The following NALF1 variants were observed in gnomAD, a reference collection of about 807,000 sequenced individuals.
The protein encoded by NALF1 is family with sequence similarity 155 member A.
In NALF1, 3 loss-of-function variants were observed where a neutral mutation model predicts 48.4. The observed-to-expected ratio is 0.06, with a 90% CI of 0.03 to 0.16. The LOEUF (loss-of-function observed/expected upper bound fraction) is 0.16, where lower values mean the gene tolerates loss of function less well. Ranked by LOEUF, NALF1 falls within the 10% of genes least tolerant of loss-of-function variation. The pLI is 1.00. For missense variants in NALF1, 526 were observed against 571.5 expected (o/e 0.92, Z 0.81); for synonymous variants, 262 against 245.7 (o/e 1.07, Z -0.62).
intron 1 of NALF1, among the ~76,000 whole-genome samples, chr13:107,757,753 T>C (rs540155603): frequency 7.2e-5 from 11 of 152,312 alleles, no homozygotes; most frequent in Non-Finnish European, 1.3e-4. Flanking sequence ...AAGAGTTTTA[T>C]TGGCTAATGA....
At chr13:107,359,991 G>A (rs1290299577) in intron 1 of NALF1, among the ~76,000 whole-genome samples, 1 of 152,128 alleles carries the variant, frequency 6.6e-6, no homozygotes, top group African/African-American at 2.4e-5. Flanking sequence ...GATTTCTAAA[G>A]TTGATGACAA....
Position 107,226,813 on chromosome 13 carries a change from T to C in NALF1, c.916-16058A>G, listed in dbSNP as rs527499052. ...TTACACAAACCTCTGAGGTAGACAG[T>C]AATATTTTTCCTCTATTCCATGGGT... On this transcript the variant is annotated intron_variant, in intron 1 of 2. Transcript: ENST00000375915. Among the ~76,000 whole-genome samples, 932 of 152,168 alleles carry C rather than the reference T, an allele frequency of 6.1e-3. 13 individuals carry two copies. The highest frequency in any genetic ancestry group is 0.022 in the African/African-American group (893 of 41,518).
At chr13:107,341,157 T>C (rs1172780441) in intron 1 of NALF1, among the ~76,000 whole-genome samples, 1 of 151,826 alleles carries the variant, frequency 6.6e-6, no homozygotes, top group East Asian at 1.9e-4. Context: ...CTAGACTCTA[T>C]CAATTGACAA....
At chr13:107,854,927 G>A (rs73589318) in intron 1 of NALF1, among the ~76,000 whole-genome samples, 17,340 of 151,366 alleles carry the variant, frequency 0.11, 1,717 homozygotes, top group African/African-American at 0.25. Context: ...ACGTCTGTGA[G>A]GCAGTTCATT....
chr13:107,451,736 T>C (rs535764209), intron 1 of NALF1, among the ~76,000 whole-genome samples: 2 of 152,310 alleles, frequency 1.3e-5, no homozygotes, highest in Non-Finnish European at 2.9e-5. Flanking sequence ...TCTTAATACA[T>C]TGCACATCGC....
At chr13:107,676,168 C>A (rs1242195943) in intron 1 of NALF1, among the ~76,000 whole-genome samples, 1 of 152,176 alleles carries the variant, frequency 6.6e-6, no homozygotes, top group Non-Finnish European at 1.5e-5. Context: ...AGAGTATAAT[C>A]AAATTAAACA....
intron 1 of NALF1, among the ~76,000 whole-genome samples, chr13:107,251,463 T>C (rs1880698860): frequency 6.6e-6 from 1 of 152,206 alleles, no homozygotes. Context: ...TTTTTACAGC[T>C]GCTGTGGACT....
At chr13:107,789,995 T>A (rs1355220891) in intron 1 of NALF1, among the ~76,000 whole-genome samples, 2 of 152,218 alleles carry the variant, frequency 1.3e-5, no homozygotes, top group Non-Finnish European at 2.9e-5. Context: ...GTACACAATA[T>A]TTGAAAATGT....
At chr13:107,635,740 T>C (rs909854886) in intron 1 of NALF1, among the ~76,000 whole-genome samples, 1 of 152,172 alleles carries the variant, frequency 6.6e-6, no homozygotes, top group Non-Finnish European at 1.5e-5. Flanking sequence ...CTTAGCCCCA[T>C]AAGCCGCACA....
chr13:107,351,301 T>C (rs990126679), intron 1 of NALF1, among the ~76,000 whole-genome samples: 7 of 151,844 alleles, frequency 4.6e-5, no homozygotes, highest in African/African-American at 1.2e-4. Flanking sequence ...GGTGTGAGAG[T>C]TGCAGATACC....
At chr13:107,516,786 G>A (rs1290610026) in intron 1 of NALF1, among the ~76,000 whole-genome samples, 1 of 152,078 alleles carries the variant, frequency 6.6e-6, no homozygotes, top group African/African-American at 2.4e-5. Flanking sequence ...GTCTCGTGAG[G>A]GATTTACTAA....
intron 1 of NALF1, among the ~76,000 whole-genome samples, chr13:107,711,455 C>A (rs890706483): frequency 1.3e-5 from 2 of 152,234 alleles, no homozygotes; most frequent in Non-Finnish European, 1.5e-5. Flanking sequence ...CCCGTCTCAG[C>A]CTCTGGAGTA....
At chr13:107,471,312 A>G (rs1885096853) in intron 1 of NALF1, among the ~76,000 whole-genome samples, 1 of 152,220 alleles carries the variant, frequency 6.6e-6, no homozygotes, top group African/African-American at 2.4e-5. Flanking sequence ...TTAAAAAATA[A>G]GACACATGTA....
chr13:107,630,706 G>A (rs890395185), intron 1 of NALF1, among the ~76,000 whole-genome samples: 10 of 151,614 alleles, frequency 6.6e-5, no homozygotes, highest in East Asian at 1.9e-4. Flanking sequence ...AAAGGCAGCC[G>A]TTTGAAGACA....
chr13:107,325,864 A>ATATATG (rs1882347496), intron 1 of NALF1, among the ~76,000 whole-genome samples: 2 of 78,748 alleles, frequency 2.5e-5, no homozygotes, highest in South Asian at 1.3e-3. Flanking sequence ...ACATATATAT[A>ATATATG]TATATATATA....
chr13:107,299,452 A>ATAC (rs1333327222), intron 1 of NALF1, among the ~76,000 whole-genome samples: 1 of 48,730 alleles, frequency 2.1e-5, no homozygotes, highest in Non-Finnish European at 5.8e-5. Flanking sequence ...AATAATAATA[A>ATAC]TAATAATAAT....
At chr13:107,254,983 T>C (rs1028292681) in intron 1 of NALF1, among the ~76,000 whole-genome samples, 1 of 152,220 alleles carries the variant, frequency 6.6e-6, no homozygotes, top group Non-Finnish European at 1.5e-5. Context: ...TTTTAAACAA[T>C]ATAAGATTGT....
At chr13:107,745,555 TACA>T (rs1876759603) in intron 1 of NALF1, among the ~76,000 whole-genome samples, 1 of 152,190 alleles carries the variant, frequency 6.6e-6, no homozygotes, top group Non-Finnish European at 1.5e-5. Context: ...ATAAAACATT[TACA>T]GTGACCTACG....
chr13:107,399,438 GCA>G (rs1223424954), intron 1 of NALF1, among the ~76,000 whole-genome samples: 3 of 131,100 alleles, frequency 2.3e-5, no homozygotes, highest in East Asian at 2.3e-4. Flanking sequence ...TGAAAATAAA[GCA>G]CACACACATT....
Sources: allele counts gnomAD v4.1 joint callset (sites outside exome capture counted in the v4.1 genomes callset), GRCh38; gene constraint gnomAD v4.1.1; transcripts MANE v1.5; gene names NCBI Gene and HGNC (gene_info 2026-07-23, HGNC 2026-07-21).